The following NR3C2 variants were observed in gnomAD, a reference collection of about 807,000 sequenced individuals.
The protein encoded by NR3C2 is nuclear receptor subfamily 3 group C member 2.
In NR3C2, 15 loss-of-function variants were observed where a neutral mutation model predicts 86.4. The observed-to-expected ratio is 0.17, with a 90% CI of 0.12 to 0.27. The LOEUF (loss-of-function observed/expected upper bound fraction) is 0.27, where lower values mean the gene tolerates loss of function less well. Among genes scored for constraint, NR3C2 ranks in the 10% least tolerant of loss-of-function variants. The pLI is 1.00. For synonymous variants in NR3C2, 458 were observed against 450.5 expected, an observed-to-expected ratio of 1.02 and a Z score of -0.21; for missense variants, 960 against 1,195.6, an observed-to-expected ratio of 0.80 and a Z score of 2.91.
chr4:148,238,123 C>T (rs1560994255), intron 3 of NR3C2, among the ~76,000 whole-genome samples: 1 of 152,242 alleles, frequency 6.6e-6, no homozygotes, highest in East Asian at 1.9e-4. Flanking sequence ...GCAAAAGTAT[C>T]TATTTTCAGG....
intron 8 of NR3C2, among the ~76,000 whole-genome samples, chr4:148,094,597 C>T (rs1274000448): frequency 6.6e-6 from 1 of 151,958 alleles, no homozygotes; most frequent in Non-Finnish European, 1.5e-5. Context: ...TGCCTGTAAT[C>T]CCAGTTACTC....
At chr4:148,159,811 G>C (rs1272425768) in intron 4 of NR3C2, among the ~76,000 whole-genome samples, 4 of 152,152 alleles carry the variant, frequency 2.6e-5, no homozygotes, top group Non-Finnish European at 4.4e-5. Flanking sequence ...GATACTTAAG[G>C]AACATGTTTC....
At chr4:148,157,179 T>C (rs1734437220) in intron 4 of NR3C2, among the ~76,000 whole-genome samples, 1 of 136,360 alleles carries the variant, frequency 7.3e-6, no homozygotes, top group Non-Finnish European at 1.6e-5. Flanking sequence ...GGGGGAGGGA[T>C]AGCATTAGGA....
intron 3 of NR3C2, chr4:148,208,241 C>G (rs4835503): frequency 0.72 from 109,055 of 151,822 alleles, 39,555 homozygotes; most frequent in African/African-American, 0.82. Context: ...GTGAGAGCTA[C>G]AGTTAGCCAC....
intron 2 of NR3C2, among the ~76,000 whole-genome samples, chr4:148,391,504 T>C (rs992860895): frequency 6.6e-6 from 1 of 152,198 alleles, no homozygotes; most frequent in Non-Finnish European, 1.5e-5. Context: ...AAGAAAGCCA[T>C]GGCCTTGATC....
chr4:148,243,027 T>G (rs912883945), intron 3 of NR3C2, among the ~76,000 whole-genome samples: 37 of 151,822 alleles, frequency 2.4e-4, no homozygotes, highest in East Asian at 7.7e-4. Context: ...TTTCAGGTTT[T>G]TTTTTTTTTT....
At chr4:148,223,169 C>A (rs1296700679) in intron 3 of NR3C2, among the ~76,000 whole-genome samples, 3 of 152,152 alleles carry the variant, frequency 2.0e-5, no homozygotes, top group Non-Finnish European at 4.4e-5. Context: ...TACACTGACA[C>A]TCCCCTTCAG....
At chr4:148,091,226 C>T (rs906750491) in intron 8 of NR3C2, among the ~76,000 whole-genome samples, 1 of 152,228 alleles carries the variant, frequency 6.6e-6, no homozygotes, top group African/African-American at 2.4e-5. Flanking sequence ...AGAATCCAAG[C>T]GGGGGCCCCA....
At chr4:148,410,667 A>C (rs1330350601) in intron 2 of NR3C2, among the ~76,000 whole-genome samples, 1 of 152,198 alleles carries the variant, frequency 6.6e-6, no homozygotes, top group Non-Finnish European at 1.5e-5. Context: ...AGAATCCCTA[A>C]AAGAATGTAT....
chr4:148,258,501 T>TG (rs1207425236), intron 3 of NR3C2, among the ~76,000 whole-genome samples: 1 of 152,182 alleles, frequency 6.6e-6, no homozygotes, highest in Non-Finnish European at 1.5e-5. Flanking sequence ...ATGGTTCAGG[T>TG]TGTCCGACTC....
At chr4:148,321,394 C>T (rs1743578042) in intron 2 of NR3C2, among the ~76,000 whole-genome samples, 1 of 151,354 alleles carries the variant, frequency 6.6e-6, no homozygotes, top group Non-Finnish European at 1.5e-5. Flanking sequence ...TCTATTAGGT[C>T]CGCTTGGTGC....
At chr4:148,276,544 T>G (rs1740970664) in intron 2 of NR3C2, among the ~76,000 whole-genome samples, 1 of 152,184 alleles carries the variant, frequency 6.6e-6, no homozygotes, top group Admixed American at 6.5e-5. Flanking sequence ...CTCTTTCTAA[T>G]GATAGGTACA....
At chr4:148,215,281 A>G (rs1021097515) in intron 3 of NR3C2, among the ~76,000 whole-genome samples, 3 of 152,226 alleles carry the variant, frequency 2.0e-5, no homozygotes, top group Admixed American at 1.3e-4. Flanking sequence ...GGAAAAAAAC[A>G]TTAAAATTGA....
upstream of NR3C2, chr4:148,444,046 C>T (rs1274818927): frequency 1.0e-6 from 1 of 985,396 alleles, no homozygotes. Flanking sequence ...CCCAACTTTC[C>T]CGCGGGGCCC....
rs759577108 is a variant in NR3C2 at position 148,081,373 on chromosome 4, C to T, written c.2926G>A (p.Ala976Thr). The change falls in exon 9 of 9, where the codon GCC becomes ACC. Residue 976 changes from alanine (A) to threonine (T), a missense_variant. Coordinates refer to ENST00000358102, the MANE Select transcript of NR3C2 (RefSeq NM_000901.5). Reference protein sequence around the residue: ...DQLPKVESGNAKPLYFHRK With the variant: ...DQLPKVESGNTKPLYFHRK ...TTCCGGTGGAAGTAGAGCGGCTTGG[C>T]GTTCCCCGACTCCACCTTGGGCAGC... The T allele has an allele frequency of 5.6e-6, 9 of 1,613,942 alleles. No homozygotes were observed. The highest frequency in any genetic ancestry group is 2.7e-5 in the African/African-American group (2 of 74,910).
At chr4:148,322,963 TAG>T (rs1743703830) in intron 2 of NR3C2, among the ~76,000 whole-genome samples, 3 of 150,060 alleles carry the variant, frequency 2.0e-5, no homozygotes, top group African/African-American at 7.4e-5. Flanking sequence ...CTCTGCTGTT[TAG>T]AGTTTCCAGT....
At chr4:148,395,642 T>A (rs1226433039) in intron 2 of NR3C2, among the ~76,000 whole-genome samples, 1 of 152,244 alleles carries the variant, frequency 6.6e-6, no homozygotes, top group African/African-American at 2.4e-5. Flanking sequence ...GCTCTCATTG[T>A]ACATAATATT....
At chr4:148,263,054 C>T (rs1460804053) in intron 2 of NR3C2, among the ~76,000 whole-genome samples, 1 of 152,120 alleles carries the variant, frequency 6.6e-6, no homozygotes, top group Non-Finnish European at 1.5e-5. Flanking sequence ...TCCCTGACAG[C>T]CCCTGCCAGA....
intron 2 of NR3C2, among the ~76,000 whole-genome samples, chr4:148,309,353 T>G (rs1466297559): frequency 1.3e-5 from 2 of 152,196 alleles, no homozygotes; most frequent in Admixed American, 6.5e-5. Context: ...AAACACAATT[T>G]TGCCCTTAAA....
Sources: allele counts gnomAD v4.1 joint callset (sites outside exome capture counted in the v4.1 genomes callset), GRCh38; gene constraint gnomAD v4.1.1; transcripts MANE v1.5; gene names NCBI Gene and HGNC (gene_info 2026-07-23, HGNC 2026-07-21).